RUNX1: variants seen among roughly 807,000 people sequenced by gnomAD.
The protein encoded by RUNX1 is RUNX family transcription factor 1.
Under a neutral mutation model 42.8 loss-of-function variants are expected in RUNX1, and 19 were observed. The ratio of observed to expected loss-of-function variants is 0.44; its 90% CI spans 0.31 to 0.65. RUNX1 has a LOEUF of 0.65. RUNX1 is among the 30% of genes least tolerant of loss of function. The probability of loss-of-function intolerance (pLI) is 0.07; values close to 1 mark genes in which losing one functional copy is unlikely to be tolerated. For synonymous variants in RUNX1, 271 were observed against 289.4 expected (o/e 0.94, Z 0.64); for missense variants, 528 against 672.0 (o/e 0.79, Z 2.37).
chr21:34,797,769 T>C (rs954821900), intron 8 of RUNX1, among the ~76,000 whole-genome samples: 1 of 152,154 alleles, frequency 6.6e-6, no homozygotes, highest in Non-Finnish European at 1.5e-5. Flanking sequence ...AGCACTTAAG[T>C]TGGTTTTCCT....
chr21:34,867,389 G>A (rs1272656632), intron 5 of RUNX1, among the ~76,000 whole-genome samples: 3 of 152,142 alleles, frequency 2.0e-5, no homozygotes, highest in Non-Finnish European at 4.4e-5. Flanking sequence ...GCAGTGAGCC[G>A]AGATCACGCC....
intron 2 of RUNX1, among the ~76,000 whole-genome samples, chr21:34,984,368 G>A (rs1035312503): frequency 3.9e-5 from 6 of 152,156 alleles, no homozygotes; most frequent in African/African-American, 1.4e-4. Flanking sequence ...TAGCAAAGTG[G>A]CCAATCTCAG....
chr21:34,888,605 C>T (rs2058032580), intron 3 of RUNX1: 6 of 1,058,392 alleles, frequency 5.7e-6, no homozygotes, highest in Non-Finnish European at 6.9e-6. Context: ...GAAAGAAGTG[C>T]CTGGCGGCGC....
chr21:34,980,714 A>G (rs2058840376), intron 2 of RUNX1, among the ~76,000 whole-genome samples: 1 of 152,238 alleles, frequency 6.6e-6, no homozygotes, highest in Non-Finnish European at 1.5e-5. Context: ...CAGAAAAACT[A>G]TCAAGACACT....
At chr21:34,836,355 C>G (rs1377843663) in intron 6 of RUNX1, among the ~76,000 whole-genome samples, 2 of 152,204 alleles carry the variant, frequency 1.3e-5, no homozygotes, top group African/African-American at 4.8e-5. Flanking sequence ...CCCTTTCCCT[C>G]AGAAGTATGA....
chr21:34,849,350 GTATA>G (rs766276545), intron 6 of RUNX1, among the ~76,000 whole-genome samples: 2,299 of 29,858 alleles, frequency 0.077, 295 homozygotes, highest in Non-Finnish European at 0.11. Flanking sequence ...ATTATATATA[GTATA>G]TATAATATAT....
intron 2 of RUNX1, among the ~76,000 whole-genome samples, chr21:35,039,128 G>A (rs1247807616): frequency 6.6e-6 from 1 of 152,222 alleles, no homozygotes; most frequent in Non-Finnish European, 1.5e-5. Context: ...GAGTTCACAA[G>A]GTGAAGGGAT....
intron 2 of RUNX1, among the ~76,000 whole-genome samples, chr21:34,935,832 C>T (rs550191770): frequency 2.0e-5 from 3 of 152,190 alleles, no homozygotes; most frequent in Non-Finnish European, 2.9e-5. Context: ...CACTGGGATA[C>T]AGCATGTCCA....
At chr21:34,957,844 G>A (rs1247378774) in intron 2 of RUNX1, among the ~76,000 whole-genome samples, 1 of 152,104 alleles carries the variant, frequency 6.6e-6, no homozygotes, top group East Asian at 1.9e-4. Flanking sequence ...CCGGCTATCG[G>A]CACATGTAGT....
chr21:35,006,318 G>C (rs734383), intron 2 of RUNX1, among the ~76,000 whole-genome samples: 2 of 152,024 alleles, frequency 1.3e-5, no homozygotes, highest in African/African-American at 2.4e-5. Context: ...AAGCCTCAAG[G>C]AGGCAAACTG....
At chr21:34,819,928 A>G (rs570830630) in intron 7 of RUNX1, among the ~76,000 whole-genome samples, 19 of 152,254 alleles carry the variant, frequency 1.2e-4, no homozygotes, top group Non-Finnish European at 2.4e-4. Context: ...TGTGGGAGGA[A>G]TCGGCACAGG....
At chr21:34,909,817 T>A (rs2058257931) in intron 2 of RUNX1, among the ~76,000 whole-genome samples, 1 of 152,186 alleles carries the variant, frequency 6.6e-6, no homozygotes, top group African/African-American at 2.4e-5. Flanking sequence ...GGTCCTTTCA[T>A]CAAATTTCCT....
intron 2 of RUNX1, among the ~76,000 whole-genome samples, chr21:34,947,485 T>C (rs2146654163): frequency 6.6e-6 from 1 of 152,340 alleles, no homozygotes; most frequent in African/African-American, 2.4e-5. Flanking sequence ...TAGAAATACA[T>C]GTGAATATGC....
At chr21:35,049,091 A>G (rs1484102559) in intron 1 of RUNX1, 77 bp downstream of exon 1, 1 of 594,620 alleles carries the variant, frequency 1.7e-6, no homozygotes. Flanking sequence ...CTTTGTAAAA[A>G]CAAATATTCA....
intron 2 of RUNX1, among the ~76,000 whole-genome samples, chr21:34,990,820 G>A (rs758479028): frequency 7.9e-5 from 12 of 151,996 alleles, no homozygotes; most frequent in Non-Finnish European, 1.3e-4. Context: ...TGAACTCCTG[G>A]CCTCAGGTGA....
chr21:34,792,077 G>C lies in RUNX1; in HGVS notation c.*58C>G. 2 of 1,115,248 alleles carry C rather than the reference G, an allele frequency of 1.8e-6. No individual in the cohort carries two copies. The highest frequency in any genetic ancestry group is 2.3e-6 in the Non-Finnish European group (2 of 860,010). The allele number at this position is 1,115,248 out of a possible 1,614,324, so 69.1% of individuals were successfully genotyped here. ...CGGGCTTGTCGCGAACAGGAGGCCC[G>C]CGCGCCCGGAGGCGAAGGCGGCGGC... On this transcript the variant is annotated 3_prime_UTR_variant, in exon 9 of 9. Transcript: ENST00000675419. The surrounding 1 kb of genome is among the most constrained non-coding windows in gnomAD (Gnocchi z 6.9).
rs191835527 is a variant in RUNX1 at position 34,852,882 on chromosome 21, G to A, written c.613+6592C>T. On this transcript the variant is annotated intron_variant, in intron 6 of 8. Transcript: ENST00000675419. ...TGAAGCAATTCCCAGTGAGCAATGC[G>A]ATTGTGGATTGGTAATTACAATCCT... Among the ~76,000 whole-genome samples the A allele has an allele frequency of 8.9e-4, 136 of 152,334 alleles. No individual in the cohort carries two copies. In the South Asian group the frequency reaches 0.011, roughly 12 times the overall value.
chr21:34,983,534 G>A (rs2058862641), intron 2 of RUNX1, among the ~76,000 whole-genome samples: 1 of 152,278 alleles, frequency 6.6e-6, no homozygotes, highest in East Asian at 1.9e-4. Context: ...AAATGATAAT[G>A]ATATACAATC....
intron 2 of RUNX1, among the ~76,000 whole-genome samples, chr21:35,048,038 A>G (rs1568814968): frequency 6.6e-6 from 1 of 152,234 alleles, no homozygotes; most frequent in Non-Finnish European, 1.5e-5. Flanking sequence ...AAATGGAGAC[A>G]GGTTTTCCAC....
Sources: gnomAD v4.1 joint callset for allele counts (sites outside exome capture counted in the v4.1 genomes callset) on GRCh38, gnomAD v4.1.1 for gene constraint, Gnocchi (gnomAD v3.1) non-coding constraint, MANE v1.5 for transcripts, NCBI Gene and HGNC (gene_info 2026-07-23, HGNC 2026-07-21) for gene names.